The following FGF2 variants were observed in gnomAD, a reference collection of about 807,000 sequenced individuals.
FGF2 encodes the protein basic fibroblast growth factor bFGF.
A neutral mutation model predicts 15.9 loss-of-function variants in FGF2; 13 were observed. That is an observed-to-expected ratio of 0.82 (90% CI 0.53 to 1.30). The LOEUF (loss-of-function observed/expected upper bound fraction) is 1.30, where lower values mean the gene tolerates loss of function less well. Ranked by LOEUF, FGF2 falls within the 50% of genes most tolerant of loss-of-function variation. The probability of loss-of-function intolerance (pLI) is 0.00; values close to 1 mark genes in which losing one functional copy is unlikely to be tolerated. For synonymous variants in FGF2, 90 were observed against 78.4 expected, an observed-to-expected ratio of 1.15 and a Z score of -0.78; for missense variants, 163 against 196.9, an observed-to-expected ratio of 0.83 and a Z score of 1.03.
chr4:122,868,742 A>G (rs1291988616), intron 1 of FGF2, among the ~76,000 whole-genome samples: 1 of 152,204 alleles, frequency 6.6e-6, no homozygotes, highest in Admixed American at 6.5e-5. Context: ...CAACGGTGTT[A>G]AAGTGTTTCT....
intron 1 of FGF2, among the ~76,000 whole-genome samples, chr4:122,835,593 C>A (rs1277972427): frequency 2.6e-5 from 4 of 152,090 alleles, no homozygotes; most frequent in African/African-American, 9.7e-5. Context: ...AATTATTATT[C>A]TTGTCTCCAA....
chr4:122,845,540 T>C (rs1428864906), intron 1 of FGF2, among the ~76,000 whole-genome samples: 4 of 152,256 alleles, frequency 2.6e-5, no homozygotes, highest in Admixed American at 2.6e-4. Context: ...ATCAGTGATC[T>C]TAGCTAGATC....
At chr4:122,848,379 T>C (rs149877122) in intron 1 of FGF2, among the ~76,000 whole-genome samples, 211 of 152,320 alleles carry the variant, frequency 1.4e-3, no homozygotes, top group African/African-American at 5.0e-3. Flanking sequence ...AATAATAATC[T>C]TATTCCAGAA....
At chr4:122,880,583 T>C (rs1726942488) in intron 2 of FGF2, among the ~76,000 whole-genome samples, 1 of 152,164 alleles carries the variant, frequency 6.6e-6, no homozygotes, top group Non-Finnish European at 1.5e-5. Flanking sequence ...AATGATCTCC[T>C]CTGACTCCAT....
intron 1 of FGF2, among the ~76,000 whole-genome samples, chr4:122,857,482 A>G (rs1381102807): frequency 6.6e-6 from 1 of 152,122 alleles, no homozygotes; most frequent in Non-Finnish European, 1.5e-5. Flanking sequence ...CATCAATCTG[A>G]CTTAATTATC....
intron 1 of FGF2, among the ~76,000 whole-genome samples, chr4:122,863,726 A>G (rs866103115): frequency 2.0e-5 from 3 of 152,296 alleles, no homozygotes; most frequent in Admixed American, 6.5e-5. Flanking sequence ...CTAAAAATAT[A>G]TATGTTTAGA....
In FGF2 at chr4:122,851,132, A is replaced by T. The variant is rs117714578; in HGVS notation, c.178+23780A>T. Reference sequence around the variant, plus strand: ...ATTTCAACCTGCTATGTCTTGTTGGATGGCAAATGAAGAGATAACAGAGTG... The same window carrying T: ...ATTTCAACCTGCTATGTCTTGTTGGTTGGCAAATGAAGAGATAACAGAGTG... On this transcript the variant is annotated intron_variant, in intron 1 of 2. Transcript: ENST00000644866. Among the ~76,000 whole-genome samples the T allele has an allele frequency of 4.7e-4, 72 of 152,246 alleles. No homozygotes were observed. In the East Asian group the frequency reaches 9.5e-3, roughly 20 times the overall value.
Position 122,893,266 on chromosome 4 carries a change from C to T in FGF2, c.*870C>T, listed in dbSNP as rs754704992. On this transcript the variant is annotated 3_prime_UTR_variant, in exon 3 of 3. Transcript: ENST00000644866. ...GATGTACAAATCAATAATAATTACA[C>T]TTTTAGAAACTGTATCATCAAAGAT... 3.2e-5 allele frequency: 48 copies of T among 1,516,696 alleles called. 1 individual carries two copies. The highest frequency in any genetic ancestry group is 5.3e-5 in the South Asian group (4 of 75,050). 94.0% of individuals were successfully genotyped at this position (1,516,696 alleles called of 1,614,324 possible). A position where few individuals can be genotyped will look rare whatever the true frequency, so the allele number is the denominator to read the frequency against.
chr4:122,827,269 T>A lies in FGF2; in HGVS notation c.95T>A (p.Leu32Gln). 6.2e-7 allele frequency: 1 copy of A among 1,612,714 alleles called. No individual in the cohort carries two copies. Among genetic ancestry groups the A allele is most frequent in the South Asian group, 1.1e-5 (1 of 91,044 alleles). The stretch of plus-strand genomic sequence containing the variant: ...GGCCACTTCAAGGACCCCAAGCGGC[T>A]GTACTGCAAAAACGGGGGCTTCTTC... ...PPGHFKDPKRLYCKNGGFFLR... is the reference protein window; with the variant it reads ...PPGHFKDPKRQYCKNGGFFLR... The change falls in exon 1 of 3, where the codon CTG becomes CAG. Residue 32 changes from leucine to glutamine, a missense_variant. Transcript: ENST00000644866. This position sits in a 1 kb window ranked among gnomAD's most constrained non-coding sequence, Gnocchi z 4.2.
chr4:122,849,215 A>G (rs192555859), intron 1 of FGF2, among the ~76,000 whole-genome samples: 28 of 152,344 alleles, frequency 1.8e-4, no homozygotes, highest in Non-Finnish European at 1.9e-4. Context: ...GTGCCCATCA[A>G]TGATAGACTA....
At position 122,896,886 on chromosome 4, in the gene FGF2, TCAAA is replaced by T. The variant is rs1367206401; in HGVS notation, c.*4495_*4498del. ...AGGTCATGGAGAAATAATATTGGTATCAAACAAATACATTGATTTGTCATGATAC... is the reference window on the plus strand; with the variant it reads ...AGGTCATGGAGAAATAATATTGGTATCAAATACATTGATTTGTCATGATAC... On this transcript the variant is annotated 3_prime_UTR_variant, in exon 3 of 3. Coordinates refer to ENST00000644866, the MANE Select transcript of FGF2 (RefSeq NM_001361665.2). The T allele has an allele frequency of 6.6e-6, 1 of 152,186 alleles. No homozygotes were observed. Among genetic ancestry groups the T allele is most frequent in the African/African-American group, 2.4e-5 (1 of 41,458 alleles). The allele number at this position is 152,186 out of a possible 1,614,324, so 9.4% of individuals were successfully genotyped here. A position where few individuals can be genotyped will look rare whatever the true frequency, so the allele number is the denominator to read the frequency against.
intron 1 of FGF2, among the ~76,000 whole-genome samples, chr4:122,853,412 C>T (rs929137532): frequency 3.9e-5 from 6 of 152,094 alleles, no homozygotes; most frequent in African/African-American, 1.4e-4. Context: ...GTTTTAAGTT[C>T]ATGTATATTA....
At chr4:122,830,002 C>T (rs1578446355) in intron 1 of FGF2, among the ~76,000 whole-genome samples, 1 of 152,114 alleles carries the variant, frequency 6.6e-6, no homozygotes, top group East Asian at 1.9e-4. Context: ...GATTTCTAGA[C>T]CTGTTTGAAA....
chr4:122,845,058 A>G (rs1422455673), intron 1 of FGF2, among the ~76,000 whole-genome samples: 1 of 152,244 alleles, frequency 6.6e-6, no homozygotes, highest in Non-Finnish European at 1.5e-5. Context: ...TACTTCTTGA[A>G]CCATCGGCTG....
At chr4:122,843,378 T>C (rs529157726) in intron 1 of FGF2, among the ~76,000 whole-genome samples, 1 of 152,324 alleles carries the variant, frequency 6.6e-6, no homozygotes, top group South Asian at 2.1e-4. Flanking sequence ...AGGGACTGGA[T>C]TATGATGGGC....
At chr4:122,832,120 G>A (rs371484893) in intron 1 of FGF2, among the ~76,000 whole-genome samples, 5 of 152,240 alleles carry the variant, frequency 3.3e-5, no homozygotes, top group South Asian at 4.1e-4. Context: ...TCCAATTCTA[G>A]TGTTTGTTGA....
chr4:122,883,486 G>A (rs758752399), intron 2 of FGF2, among the ~76,000 whole-genome samples: 2 of 152,112 alleles, frequency 1.3e-5, no homozygotes, highest in South Asian at 4.1e-4. Flanking sequence ...GCCAAAGCCT[G>A]TATTTGGAAG....
intron 1 of FGF2, among the ~76,000 whole-genome samples, chr4:122,862,694 A>T (rs1228320675): frequency 6.6e-6 from 1 of 152,228 alleles, no homozygotes; most frequent in Non-Finnish European, 1.5e-5. Flanking sequence ...TAATTGTGTA[A>T]TGATAAGGCT....
At chr4:122,876,660 C>T (rs1726854647) in intron 2 of FGF2, among the ~76,000 whole-genome samples, 1 of 152,158 alleles carries the variant, frequency 6.6e-6, no homozygotes. Flanking sequence ...GGGCTGGAGG[C>T]ATTCCTGACC....
Sources: allele counts gnomAD v4.1 joint callset (sites outside exome capture counted in the v4.1 genomes callset), GRCh38; gene constraint gnomAD v4.1.1; non-coding constraint Gnocchi (gnomAD v3.1); transcripts MANE v1.5; gene names NCBI Gene and HGNC (gene_info 2026-07-23, HGNC 2026-07-21).